PCDHGB7: variants seen among roughly 807,000 people sequenced by gnomAD.
The protein encoded by PCDHGB7 is protocadherin gamma-B7.
Under a neutral mutation model 61.4 loss-of-function variants are expected in PCDHGB7, and 37 were observed. That is an observed-to-expected ratio of 0.60 (90% CI 0.46 to 0.79). The LOEUF is 0.79. Ranked by LOEUF, PCDHGB7 falls within the 30% of genes least tolerant of loss-of-function variation. The pLI is 0.00. For missense variants in PCDHGB7, 1,166 were observed against 1,202.5 expected, an observed-to-expected ratio of 0.97 and a Z score of 0.45; for synonymous variants, 464 against 503.5, an observed-to-expected ratio of 0.92 and a Z score of 1.05.
At chr5:141,452,256 C>T (rs533770410) in intron 1 of PCDHGB7, among the ~76,000 whole-genome samples, 1 of 152,298 alleles carries the variant, frequency 6.6e-6, no homozygotes, top group African/African-American at 2.4e-5. Flanking sequence ...CCATAACTCT[C>T]TCATTTTCTT....
intron 3 of PCDHGB7, 44 bp downstream of exon 3, chr5:141,505,525 G>C: frequency 1.2e-6 from 2 of 1,612,490 alleles, no homozygotes; most frequent in Non-Finnish European, 1.7e-6. Flanking sequence ...GAGACCTGGG[G>C]TTCTGGGGTG....
At chr5:141,445,207 AAAGT>A (rs1322618652) in intron 1 of PCDHGB7, among the ~76,000 whole-genome samples, 1 of 152,196 alleles carries the variant, frequency 6.6e-6, no homozygotes, top group Non-Finnish European at 1.5e-5. Flanking sequence ...ATGCTTTTGA[AAAGT>A]AAGAGGTGCA....
chr5:141,431,995 G>A lies in PCDHGB7; in HGVS notation c.2415+11721G>A. 6.2e-7 allele frequency: 1 copy of A among 1,614,048 alleles called. No individual in the cohort carries two copies. Among genetic ancestry groups the A allele is most frequent in the East Asian group, 2.2e-5 (1 of 44,898 alleles). The stretch of plus-strand genomic sequence containing the variant: ...TAGTCACAGACATAGTCTTGGATAG[G>A]GAACAGGTTCCTAGCTACAACATCA... On this transcript the variant is annotated intron_variant, in intron 1 of 3. Coordinates refer to ENST00000398594, the MANE Select transcript of PCDHGB7 (RefSeq NM_018927.4). This position sits in a 1 kb window ranked among gnomAD's most constrained non-coding sequence, Gnocchi z 4.8.
intron 1 of PCDHGB7, chr5:141,423,051 CCTG>C (rs771403541): frequency 2.5e-6 from 4 of 1,614,208 alleles, no homozygotes; most frequent in Admixed American, 1.7e-5. Flanking sequence ...TGTCCTATCG[CCTG>C]CTTAAGGCCA....
chr5:141,477,951 G>T lies in PCDHGB7; in HGVS notation c.2416-16856G>T. 3 of 1,614,120 alleles carry T rather than the reference G, an allele frequency of 1.9e-6. No homozygotes were observed. The highest frequency in any genetic ancestry group is 2.5e-6 in the Non-Finnish European group (3 of 1,180,024). Reference sequence around the variant, plus strand: ...GCCTGGCTCTCCTACAGTCTCTTGGGATCCCCTAACCAGAGCCTTTTTGCC... The same window carrying T: ...GCCTGGCTCTCCTACAGTCTCTTGGTATCCCCTAACCAGAGCCTTTTTGCC... On this transcript the variant is annotated intron_variant, in intron 1 of 3. Transcript: ENST00000398594. The surrounding 1 kb of genome is among the most constrained non-coding windows in gnomAD (Gnocchi z 4.9).
Position 141,476,556 on chromosome 5 carries a change from C to A in PCDHGB7, c.2416-18251C>A. 1 of 1,614,234 alleles carries A rather than the reference C, an allele frequency of 6.2e-7. No homozygotes were observed. Among genetic ancestry groups the A allele is most frequent in the Non-Finnish European group, 8.5e-7 (1 of 1,180,036 alleles). ...GAAATGAAATTGGAGATTAGCGAGG[C>A]CGTGGCTCCGGGGACGCGCTTTCCG... On this transcript the variant is annotated intron_variant, in intron 1 of 3. Coordinates refer to ENST00000398594, the MANE Select transcript of PCDHGB7 (RefSeq NM_018927.4). The surrounding 1 kb of genome is among the most constrained non-coding windows in gnomAD (Gnocchi z 7.6).
At chr5:141,430,682 C>A (rs2097302907) in intron 1 of PCDHGB7, 1 of 1,361,564 alleles carries the variant, frequency 7.3e-7, no homozygotes, top group South Asian at 1.7e-5. Flanking sequence ...CCAACTGTCC[C>A]ATTCTATGGG....
rs1349935659 is a variant in PCDHGB7 at position 141,507,722 on chromosome 5, A to C, written c.2563+2241A>C. 6.6e-5 allele frequency among the ~76,000 whole-genome samples: 10 copies of C among 152,354 alleles called. No homozygotes were observed. In the East Asian group the frequency reaches 1.9e-3, roughly 29 times the overall value. ...ATTTATGGCCCCAAACCCTCCAAGC[A>C]AGTCATGCAGCTCGTTCCCCTGTCA... On this transcript the variant is annotated intron_variant, in intron 3 of 3. Coordinates refer to ENST00000398594, the MANE Select transcript of PCDHGB7 (RefSeq NM_018927.4).
intron 2 of PCDHGB7, among the ~76,000 whole-genome samples, chr5:141,500,881 T>G (rs940387787): frequency 1.0e-5 from 1 of 99,136 alleles, no homozygotes; most frequent in Non-Finnish European, 1.9e-5. Context: ...TTTACAATTT[T>G]TTTTTTTTGA....
chr5:141,455,364 G>C (rs2098820282), intron 1 of PCDHGB7, among the ~76,000 whole-genome samples: 1 of 152,252 alleles, frequency 6.6e-6, no homozygotes, highest in South Asian at 2.1e-4. Flanking sequence ...TAGGCAAGAA[G>C]GAAGGGAGAA....
chr5:141,420,394 C>A, intron 1 of PCDHGB7, 120 bp downstream of exon 1: 2 of 1,260,296 alleles, frequency 1.6e-6, no homozygotes, highest in Non-Finnish European at 2.1e-6. Flanking sequence ...AAATATAGGT[C>A]AAATTTATGG....
At chr5:141,502,914 T>G (rs78646636) in intron 2 of PCDHGB7, among the ~76,000 whole-genome samples, 4,865 of 139,540 alleles carry the variant, frequency 0.035, 119 homozygotes, top group South Asian at 0.075. Flanking sequence ...CAGGCTGGAG[T>G]GCAGTGGCAA....
At chr5:141,499,136 G>A (rs1488844131) in intron 2 of PCDHGB7, among the ~76,000 whole-genome samples, 1 of 152,100 alleles carries the variant, frequency 6.6e-6, no homozygotes, top group Non-Finnish European at 1.5e-5. Flanking sequence ...CATCCTTTGG[G>A]TGTCTGATCC....
In PCDHGB7 at chr5:141,431,248, G is replaced by C. The variant is rs1213088915; in HGVS notation, c.2415+10974G>C. On this transcript the variant is annotated intron_variant, in intron 1 of 3. Coordinates refer to ENST00000398594, the MANE Select transcript of PCDHGB7 (RefSeq NM_018927.4). This position sits in a 1 kb window ranked among gnomAD's most constrained non-coding sequence, Gnocchi z 4.8. ...CCCACGCCTGGGATCCGGATATCGG[G>C]AAGAACTCTCTGCAGAGCTACGAGC... is the stretch of plus-strand genomic sequence containing the variant. 5 of 1,614,022 alleles carry C rather than the reference G, an allele frequency of 3.1e-6. No homozygotes were observed. Among genetic ancestry groups the C allele is most frequent in the Non-Finnish European group, 4.2e-6 (5 of 1,180,056 alleles).
rs1419985074 is a variant in PCDHGB7, at chr5:141,431,009, T to C, written c.2415+10735T>C. On this transcript the variant is annotated intron_variant, in intron 1 of 3. Transcript: ENST00000398594. The surrounding 1 kb of genome is among the most constrained non-coding windows in gnomAD (Gnocchi z 4.8). ...CGCCCTGAATCCGCGCAGCGGCAGC[T>C]TGGTCACGGCGGGCAGGATAGACCG... The C allele has an allele frequency of 3.7e-6, 6 of 1,613,884 alleles. No individual in the cohort carries two copies. Among genetic ancestry groups the C allele is most frequent in the Non-Finnish European group, 5.1e-6 (6 of 1,179,984 alleles).
intron 1 of PCDHGB7, among the ~76,000 whole-genome samples, chr5:141,484,597 A>C (rs1345278081): frequency 1.3e-5 from 2 of 152,070 alleles, no homozygotes; most frequent in African/African-American, 4.8e-5. Flanking sequence ...CTCATTTAGA[A>C]TACTGGTTGA....
At position 141,419,596 on chromosome 5, in the gene PCDHGB7, G is replaced by T; in HGVS notation, c.1737G>T (p.Pro579=). The change falls in exon 1 of 4, where the codon CCG becomes CCT. Residue 579 remains proline (P), a synonymous_variant. Transcript: ENST00000398594. Reference sequence around the variant, plus strand: ...GCTCCGCGCTCTTCGACACAGTGCCGCGGGCCGCGCAGCCAGGCTACCTGG... The same window carrying T: ...GCTCCGCGCTCTTCGACACAGTGCCTCGGGCCGCGCAGCCAGGCTACCTGG... ...PDGSALFDTV[P]RAAQPGYLVT... The T allele has an allele frequency of 6.2e-7, 1 of 1,611,682 alleles. No individual in the cohort carries two copies. The highest frequency in any genetic ancestry group is 8.5e-7 in the Non-Finnish European group (1 of 1,179,598).
At chr5:141,470,428 T>A (rs974038419) in intron 1 of PCDHGB7, among the ~76,000 whole-genome samples, 1 of 152,254 alleles carries the variant, frequency 6.6e-6, no homozygotes, top group Non-Finnish European at 1.5e-5. Flanking sequence ...TTTTTCCTTG[T>A]GTGCAATAAT....
At position 141,511,436 on chromosome 5, in the gene PCDHGB7, T is replaced by C. The variant is rs1371734719; in HGVS notation, c.*263T>C. The C allele has an allele frequency of 1.5e-5, 11 of 718,486 alleles. No individual in the cohort carries two copies. The highest frequency in any genetic ancestry group is 2.2e-5 in the Non-Finnish European group (10 of 461,474). The allele number at this position is 718,486 out of a possible 1,614,324, so 44.5% of individuals were successfully genotyped here. The stretch of plus-strand genomic sequence containing the variant: ...ACCCATGGGGGTAGTGGGGTTACTG[T>C]AGACACCAAGAACCATTTGCCACAC... On this transcript the variant is annotated 3_prime_UTR_variant, in exon 4 of 4. Coordinates refer to ENST00000398594, the MANE Select transcript of PCDHGB7 (RefSeq NM_018927.4).
Sources: gnomAD v4.1 joint callset for allele counts (sites outside exome capture counted in the v4.1 genomes callset) on GRCh38, gnomAD v4.1.1 for gene constraint, Gnocchi (gnomAD v3.1) non-coding constraint, MANE v1.5 for transcripts, NCBI Gene and HGNC (gene_info 2026-07-23, HGNC 2026-07-21) for gene names.